Variants in B4GALT6 observed in about 807,000 individuals in gnomAD.
B4GALT6 encodes beta-1,4-galactosyltransferase 6, also known as UDP-Gal:beta-GlcNAc beta-1,4-galactosyltransferase 6.
A neutral mutation model predicts 46.3 loss-of-function variants in B4GALT6; 14 were observed. The observed-to-expected ratio is 0.30, with a 90% confidence interval of 0.20 to 0.47. The LOEUF is 0.47. Ranked by LOEUF, B4GALT6 falls within the 20% of genes least tolerant of loss-of-function variation. The pLI is 0.99. For missense variants in B4GALT6, 386 were observed against 480.1 expected (o/e 0.80, Z 1.83); for synonymous variants, 168 against 162.0 (o/e 1.04, Z -0.28).
chr18:31,641,860 T>C (rs1208541698), intron 4 of B4GALT6, among the ~76,000 whole-genome samples: 1 of 152,204 alleles, frequency 6.6e-6, no homozygotes, highest in Non-Finnish European at 1.5e-5. Flanking sequence ...TCAAGAAAAA[T>C]GTGTATCACA....
intron 5 of B4GALT6, among the ~76,000 whole-genome samples, chr18:31,634,841 TAA>T (rs1293766828): frequency 5.9e-5 from 9 of 152,224 alleles, no homozygotes; most frequent in African/African-American, 2.2e-4. Context: ...AGCCTGAGAT[TAA>T]GACTTAAAAG....
chr18:31,722,304 CAT>C, the B4GALT6 span, among the ~76,000 whole-genome samples: 1 of 152,110 alleles, frequency 6.6e-6, no homozygotes, highest in Admixed American at 6.5e-5. Flanking sequence ...CACACACACA[CAT>C]ACACACGTAT....
chr18:31,717,759 A>C, the B4GALT6 span, among the ~76,000 whole-genome samples: 69 of 152,226 alleles, frequency 4.5e-4, no homozygotes, highest in East Asian at 0.012. Context: ...GTTCGAGACC[A>C]GCCTGACCAA....
intron 3 of B4GALT6, 56 bp downstream of exon 3, chr18:31,657,920 T>C (rs2074161497): frequency 2.1e-6 from 3 of 1,416,280 alleles, no homozygotes; most frequent in Non-Finnish European, 2.0e-6. Flanking sequence ...ATGTGGTTTT[T>C]ATGACTGTAT....
chr18:31,720,886 G>C, the B4GALT6 span, among the ~76,000 whole-genome samples: 1 of 152,176 alleles, frequency 6.6e-6, no homozygotes, highest in South Asian at 2.1e-4. Context: ...GAGACCGTAG[G>C]CACATCCAAA....
At chr18:31,651,068 C>T (rs1479622289) in intron 3 of B4GALT6, among the ~76,000 whole-genome samples, 1 of 152,074 alleles carries the variant, frequency 6.6e-6, no homozygotes, top group Non-Finnish European at 1.5e-5. Flanking sequence ...GCCCAGCCCC[C>T]AGCTGCATTT....
At chr18:31,684,214 T>C (rs955291964) in intron 1 of B4GALT6, 98 bp downstream of exon 1, 3 of 1,563,744 alleles carry the variant, frequency 1.9e-6, no homozygotes, top group Admixed American at 1.9e-5. Flanking sequence ...TGCGGGCCCC[T>C]GTTTGAACAG....
chr18:31,694,453 AC>A, the B4GALT6 span, among the ~76,000 whole-genome samples: 1 of 152,186 alleles, frequency 6.6e-6, no homozygotes, highest in East Asian at 1.9e-4. Flanking sequence ...CTTTAAACAC[AC>A]CAACCTCTTC....
intron 6 of B4GALT6, among the ~76,000 whole-genome samples, chr18:31,629,738 T>C (rs2073756256): frequency 6.7e-6 from 1 of 149,484 alleles, no homozygotes; most frequent in Non-Finnish European, 1.5e-5. Context: ...TAGTCCCAGC[T>C]ACTCGGGAAG....
the B4GALT6 span, among the ~76,000 whole-genome samples, chr18:31,699,257 C>A: frequency 7.1e-6 from 1 of 141,370 alleles, no homozygotes; most frequent in Non-Finnish European, 1.5e-5. Context: ...AGGCAATAGA[C>A]AGATATTTCT....
chr18:31,638,534 C>A (rs532392198), intron 5 of B4GALT6, 110 bp downstream of exon 5: 129 of 978,212 alleles, frequency 1.3e-4, no homozygotes, highest in Middle Eastern at 3.1e-4. Context: ...CTCAAAAAAA[C>A]TAAACTAAGA....
At chr18:31,672,103 T>C (rs893981468) in intron 1 of B4GALT6, among the ~76,000 whole-genome samples, 2 of 152,210 alleles carry the variant, frequency 1.3e-5, no homozygotes, top group Admixed American at 6.5e-5. Flanking sequence ...GCTGTAAGGA[T>C]TCAAGATAAG....
the B4GALT6 span, among the ~76,000 whole-genome samples, chr18:31,717,144 T>G: frequency 6.6e-6 from 1 of 151,914 alleles, no homozygotes; most frequent in Non-Finnish European, 1.5e-5. Context: ...TATAGCAGTT[T>G]TATTCAAAAT....
chr18:31,697,200 A>C, the B4GALT6 span, among the ~76,000 whole-genome samples: 4 of 152,092 alleles, frequency 2.6e-5, no homozygotes, highest in African/African-American at 9.7e-5. Flanking sequence ...TGAGCTTGGT[A>C]GGTAGAGGAT....
intron 3 of B4GALT6, among the ~76,000 whole-genome samples, chr18:31,647,401 G>C (rs958336439): frequency 6.6e-6 from 1 of 152,092 alleles, no homozygotes; most frequent in African/African-American, 2.4e-5. Flanking sequence ...CAATAGAGAG[G>C]GCTTCCTCTG....
chr18:31,664,162 C>CACCGAAATGGCACCCA (rs11272422), intron 2 of B4GALT6, among the ~76,000 whole-genome samples: 1 of 152,012 alleles, frequency 6.6e-6, no homozygotes, highest in Non-Finnish European at 1.5e-5. Context: ...CAAGTTCAAA[C>CACCGAAATGGCACCCA]AGCAGCCATC....
At chr18:31,700,435 TTGTGTGTG>T in the B4GALT6 span, among the ~76,000 whole-genome samples, 1 of 139,578 alleles carries the variant, frequency 7.2e-6, no homozygotes, top group African/African-American at 2.6e-5. Context: ...AATTGACTAT[TTGTGTGTG>T]TGTGTGTGTG....
chr18:31,651,406 G>A (rs1363459025), intron 3 of B4GALT6, among the ~76,000 whole-genome samples: 2 of 151,978 alleles, frequency 1.3e-5, no homozygotes, highest in East Asian at 1.9e-4. Flanking sequence ...GGGTGGGGTG[G>A]GGGGCTCTCT....
the B4GALT6 span, among the ~76,000 whole-genome samples, chr18:31,702,361 G>A: frequency 1.3e-5 from 2 of 152,074 alleles, no homozygotes; most frequent in Admixed American, 1.3e-4. Context: ...TTATACATAG[G>A]GTGACTGGAA....
Sources: gnomAD v4.1 joint callset for allele counts (sites outside exome capture counted in the v4.1 genomes callset) on GRCh38, gnomAD v4.1.1 for gene constraint, MANE v1.5 for transcripts, NCBI Gene and HGNC (gene_info 2026-07-23, HGNC 2026-07-21) for gene names.